CYP2J2: variants seen among roughly 807,000 people sequenced by gnomAD.
The protein encoded by CYP2J2 is cytochrome P450 family 2 subfamily J member 2.
In CYP2J2, 41 loss-of-function variants were observed where a neutral mutation model predicts 48.8. The observed-to-expected ratio is 0.84, with a 90% confidence interval of 0.66 to 1.09. CYP2J2 has a LOEUF of 1.09. CYP2J2 is among the 50% of genes least tolerant of loss of function. CYP2J2 has a pLI of 0.00. For synonymous variants in CYP2J2, 221 were observed against 227.1 expected (o/e 0.97, Z 0.24); for missense variants, 644 against 617.3 (o/e 1.04, Z -0.46).
At chr1:59,910,006 T>A (rs776660333) in intron 4 of CYP2J2, 46 bp from the exon 5 acceptor site, 5 of 1,465,164 alleles carry the variant, frequency 3.4e-6, no homozygotes, top group Non-Finnish European at 4.7e-6. Flanking sequence ...ATGGTGCCAT[T>A]TTTTTCTTTT....
rs1186560619 is a variant in CYP2J2, at chr1:59,909,852, G to A, written c.793C>T (p.His265Tyr). Residue 265 changes from histidine to tyrosine, a missense_variant, in exon 5 of 9, where the codon CAC becomes TAC. Coordinates refer to ENST00000371204, the MANE Select transcript of CYP2J2 (RefSeq NM_000775.4). ...TCTGCAGGATTCCAATCCTTTCTGT[G>A]TTTGTCAATCATATGAGAAACAAAC... is the stretch of plus-strand genomic sequence containing the variant. ...KLFVSHMIDK[H>Y]RKDWNPAETR... 6.2e-7 allele frequency: 1 copy of A among 1,612,010 alleles called. No homozygotes were observed. Among genetic ancestry groups the A allele is most frequent in the African/African-American group, 1.3e-5 (1 of 74,882 alleles).
the CYP2J2 span, among the ~76,000 whole-genome samples, chr1:59,966,795 C>T: frequency 6.6e-6 from 1 of 152,242 alleles, no homozygotes; most frequent in South Asian, 2.1e-4. Flanking sequence ...GTTGAATTCA[C>T]TTTGGCCAAG....
At chr1:59,922,514 A>G (rs1356744842) in intron 1 of CYP2J2, among the ~76,000 whole-genome samples, 4 of 152,210 alleles carry the variant, frequency 2.6e-5, no homozygotes, top group African/African-American at 9.7e-5. Flanking sequence ...AAAATAAATG[A>G]TGACAGTGTG....
Position 59,893,593 on chromosome 1 carries a change from G to T in CYP2J2, c.*58C>A. The T allele has an allele frequency of 7.4e-7, 1 of 1,345,574 alleles. No individual in the cohort carries two copies. Among genetic ancestry groups the T allele is most frequent in the Non-Finnish European group, 1.0e-6 (1 of 980,608 alleles). The allele number at this position is 1,345,574 out of a possible 1,614,324, so 83.4% of individuals were successfully genotyped here. A position where few individuals can be genotyped will look rare whatever the true frequency, so the allele number is the denominator to read the frequency against. On this transcript the variant is annotated 3_prime_UTR_variant, in exon 9 of 9. Transcript: ENST00000371204. Reference sequence around the variant, plus strand: ...CAACACATCTGAGCAGACACCAGTGGTTTCAGAACACGTGCCATGTCTTCT... The same window carrying T: ...CAACACATCTGAGCAGACACCAGTGTTTTCAGAACACGTGCCATGTCTTCT...
the CYP2J2 span, among the ~76,000 whole-genome samples, chr1:59,932,566 T>C: frequency 3.9e-5 from 6 of 152,030 alleles, no homozygotes; most frequent in African/African-American, 1.4e-4. Flanking sequence ...GTAGACATGC[T>C]TTACAAGAAC....
At chr1:59,935,025 T>TATATATATATATACAC in the CYP2J2 span, among the ~76,000 whole-genome samples, 1 of 85,846 alleles carries the variant, frequency 1.2e-5, no homozygotes, top group East Asian at 3.9e-4. Flanking sequence ...CATATATATA[T>TATATATATATATACAC]ATATATATAT....
the CYP2J2 span, among the ~76,000 whole-genome samples, chr1:59,963,878 A>C: frequency 6.6e-6 from 1 of 152,248 alleles, no homozygotes; most frequent in Non-Finnish European, 1.5e-5. Flanking sequence ...AAAACAGTTC[A>C]CATGAAAAAT....
the CYP2J2 span, among the ~76,000 whole-genome samples, chr1:59,935,051 T>TATATATAC: frequency 9.3e-6 from 1 of 107,786 alleles, no homozygotes; most frequent in Non-Finnish European, 1.9e-5. Context: ...TATATATATA[T>TATATATAC]ACACAACAGA....
At chr1:59,909,212 A>G (rs1207748379) in intron 5 of CYP2J2, among the ~76,000 whole-genome samples, 2 of 152,070 alleles carry the variant, frequency 1.3e-5, no homozygotes, top group Non-Finnish European at 2.9e-5. Context: ...TATTGCCCCT[A>G]TTTTTACTCC....
intron 8 of CYP2J2, among the ~76,000 whole-genome samples, chr1:59,897,083 T>C (rs1430590040): frequency 6.6e-6 from 1 of 152,252 alleles, no homozygotes; most frequent in Non-Finnish European, 1.5e-5. Context: ...ACATGCTTCA[T>C]GGTTATGTCG....
At chr1:59,920,594 G>A (rs774362376) in intron 1 of CYP2J2, among the ~76,000 whole-genome samples, 1 of 152,170 alleles carries the variant, frequency 6.6e-6, no homozygotes, top group Non-Finnish European at 1.5e-5. Context: ...AGACAAGGCT[G>A]ACAAGGTAAT....
At chr1:59,899,568 C>T (rs1337568277) in intron 8 of CYP2J2, among the ~76,000 whole-genome samples, 1 of 152,182 alleles carries the variant, frequency 6.6e-6, no homozygotes, top group African/African-American at 2.4e-5. Flanking sequence ...AACTATCGTG[C>T]ATTCCACAGT....
the CYP2J2 span, among the ~76,000 whole-genome samples, chr1:59,964,768 CT>C: frequency 1.3e-5 from 2 of 152,156 alleles, no homozygotes; most frequent in Non-Finnish European, 2.9e-5. Context: ...AGATTGTAAA[CT>C]TTTTTTCTTG....
intron 7 of CYP2J2, chr1:59,904,613 A>C: frequency 2.4e-6 from 1 of 414,364 alleles, no homozygotes; most frequent in Non-Finnish European, 4.3e-6. Context: ...AGCATAGTAA[A>C]AACACTGAGA....
the CYP2J2 span, among the ~76,000 whole-genome samples, chr1:59,935,577 A>C: frequency 6.6e-6 from 1 of 152,352 alleles, no homozygotes; most frequent in East Asian, 1.9e-4. Flanking sequence ...AACATAAAAG[A>C]TAACCCAAAA....
At chr1:59,907,173 C>T (rs566520939) in intron 6 of CYP2J2, among the ~76,000 whole-genome samples, 1 of 152,194 alleles carries the variant, frequency 6.6e-6, no homozygotes, top group South Asian at 2.1e-4. Flanking sequence ...TAATAATTTC[C>T]TAGGGGAGCA....
At chr1:59,921,845 G>C (rs1445351606) in intron 1 of CYP2J2, among the ~76,000 whole-genome samples, 1 of 152,124 alleles carries the variant, frequency 6.6e-6, no homozygotes, top group Non-Finnish European at 1.5e-5. Context: ...CTAAGGCTCT[G>C]TTAGAAATTG....
rs547353521 is a variant in CYP2J2, at chr1:59,908,477, T to C, written c.862-550A>G. 2.6e-5 allele frequency among the ~76,000 whole-genome samples: 4 copies of C among 152,356 alleles called. No individual in the cohort carries two copies. The South Asian group carries it at 8.3e-4, about 32-fold the overall frequency. ...ATTCTCATATCTCTTCATTCACCTTTTTCTTTCCAATTTGAAACTCACTGA... is the reference window on the plus strand; with the variant it reads ...ATTCTCATATCTCTTCATTCACCTTCTTCTTTCCAATTTGAAACTCACTGA... On this transcript the variant is annotated intron_variant, in intron 5 of 8. Transcript: ENST00000371204.
At chr1:59,945,436 ATCTATCTC>A in the CYP2J2 span, among the ~76,000 whole-genome samples, 9 of 141,636 alleles carry the variant, frequency 6.4e-5, no homozygotes, top group Admixed American at 1.4e-4. Flanking sequence ...CTATCTATCT[ATCTATCTC>A]TCTATCTATC....
Sources: gnomAD v4.1 joint callset for allele counts (sites outside exome capture counted in the v4.1 genomes callset) on GRCh38, gnomAD v4.1.1 for gene constraint, MANE v1.5 for transcripts, NCBI Gene and HGNC (gene_info 2026-07-23, HGNC 2026-07-21) for gene names.